Variants in CSNK1G3 observed in about 807,000 individuals in gnomAD.
CSNK1G3 encodes the protein casein kinase I isoform gamma-3.
Under a neutral mutation model 64.3 loss-of-function variants are expected in CSNK1G3, and 23 were observed. That is an observed-to-expected ratio of 0.36 (90% confidence interval 0.26 to 0.51). CSNK1G3 has a LOEUF of 0.51. CSNK1G3 is among the 20% of genes least tolerant of loss of function. The pLI is 0.96. For synonymous variants in CSNK1G3, 158 were observed against 162.2 expected (o/e 0.97, Z 0.20); for missense variants, 357 against 510.5 (o/e 0.70, Z 2.90).
intron 1 of CSNK1G3, among the ~76,000 whole-genome samples, chr5:123,542,849 A>AGTGTGTGTGTGTGTGTGTGT (rs66645709): frequency 1.6e-4 from 21 of 134,904 alleles, no homozygotes; most frequent in African/African-American, 5.1e-4. Flanking sequence ...GCCTAGATTT[A>AGTGTGTGTGTGTGTGTGTGT]GTGTGTGTGT....
rs181103464 is a variant in CSNK1G3 at position 123,561,337 on chromosome 5, T to A, written c.289+3773T>A. Among the ~76,000 whole-genome samples the A allele has an allele frequency of 1.9e-3, 290 of 152,250 alleles. 1 individual carries two copies. Among genetic ancestry groups the A allele is most frequent in the African/African-American group, 6.9e-3 (288 of 41,548 alleles). On this transcript the variant is annotated intron_variant, in intron 4 of 12. Transcript: ENST00000345990. Reference sequence around the variant, plus strand: ...TTTAAAGCTAAAGAAATGGATGAGATCTCCCTGAGGAGAGTATAGAGGTTG... The same window carrying A: ...TTTAAAGCTAAAGAAATGGATGAGAACTCCCTGAGGAGAGTATAGAGGTTG...
chr5:123,566,971 A>T (rs1013256654), intron 4 of CSNK1G3, among the ~76,000 whole-genome samples: 1 of 152,170 alleles, frequency 6.6e-6, no homozygotes, highest in African/African-American at 2.4e-5. Context: ...CTTGCTGCTG[A>T]TAAATTGCCC....
At chr5:123,523,040 T>C (rs1369042163) in intron 1 of CSNK1G3, among the ~76,000 whole-genome samples, 2 of 152,316 alleles carry the variant, frequency 1.3e-5, no homozygotes, top group East Asian at 1.9e-4. Context: ...TAAAAAGTTA[T>C]TCATTTTAGG....
chr5:123,605,680 A>G (rs550542367), intron 12 of CSNK1G3, among the ~76,000 whole-genome samples: 1 of 152,266 alleles, frequency 6.6e-6, no homozygotes, highest in African/African-American at 2.4e-5. Context: ...CTATTTAAAT[A>G]GAAAGATAGA....
chr5:123,519,107 G>T (rs2149939065), intron 1 of CSNK1G3, among the ~76,000 whole-genome samples: 1 of 152,202 alleles, frequency 6.6e-6, no homozygotes, highest in South Asian at 2.1e-4. Context: ...AGGCTGGAGT[G>T]CCATGGCATG....
chr5:123,608,017 A>C (rs1043329082), intron 12 of CSNK1G3, among the ~76,000 whole-genome samples: 8 of 152,044 alleles, frequency 5.3e-5, no homozygotes, highest in African/African-American at 1.9e-4. Flanking sequence ...CTGGCCCTGA[A>C]CTATTGGGCT....
At chr5:123,576,411 G>C (rs1171952609) in intron 6 of CSNK1G3, among the ~76,000 whole-genome samples, 1 of 152,172 alleles carries the variant, frequency 6.6e-6, no homozygotes, top group African/African-American at 2.4e-5. Flanking sequence ...GAGGTGGGCA[G>C]AGCTGGCTTA....
At chr5:123,550,629 A>G (rs1242840133) in intron 2 of CSNK1G3, among the ~76,000 whole-genome samples, 6 of 152,214 alleles carry the variant, frequency 3.9e-5, no homozygotes, top group Non-Finnish European at 8.8e-5. Flanking sequence ...AATTGGTAAA[A>G]CTATATTTTC....
chr5:123,588,131 G>A (rs1791664554), exon 7 of CSNK1G3: 2 of 1,603,716 alleles, frequency 1.2e-6, no homozygotes, highest in Admixed American at 1.7e-5. Context: ...CTGAGAGGCA[G>A]TCTTCCTTGG....
intron 2 of CSNK1G3, among the ~76,000 whole-genome samples, chr5:123,547,011 A>T (rs1040865529): frequency 6.6e-6 from 1 of 152,110 alleles, no homozygotes; most frequent in African/African-American, 2.4e-5. Context: ...GAAATTCTTA[A>T]ATTGTTTCAG....
At chr5:123,518,218 C>T (rs1002775943) in intron 1 of CSNK1G3, among the ~76,000 whole-genome samples, 1 of 152,172 alleles carries the variant, frequency 6.6e-6, no homozygotes, top group Admixed American at 6.5e-5. Flanking sequence ...AGCACTTGAG[C>T]CTCCTATCTC....
intron 4 of CSNK1G3, among the ~76,000 whole-genome samples, chr5:123,562,648 A>C (rs986502420): frequency 3.3e-5 from 5 of 152,056 alleles, no homozygotes; most frequent in African/African-American, 1.2e-4. Flanking sequence ...TACAATTTCA[A>C]ATTTTTAAAT....
At chr5:123,536,492 A>G (rs1056696124) in intron 1 of CSNK1G3, among the ~76,000 whole-genome samples, 2 of 150,286 alleles carry the variant, frequency 1.3e-5, no homozygotes, top group Non-Finnish European at 3.0e-5. Context: ...CTAGTTTTCC[A>G]TACCACTGTA....
At chr5:123,531,906 C>T (rs775329338) in intron 1 of CSNK1G3, among the ~76,000 whole-genome samples, 1 of 151,748 alleles carries the variant, frequency 6.6e-6, no homozygotes, top group Non-Finnish European at 1.5e-5. Flanking sequence ...AGTCTTCTCT[C>T]AGTAGTTTTT....
rs998734233 is a variant in CSNK1G3, at chr5:123,606,905, G to A, written c.1217+1543G>A. ...GAAGATTGCAGTTGTACTAGTATAT[G>A]TCAGTATGTGATTAATACGATAAAA... On this transcript the variant is annotated intron_variant, in intron 12 of 12. Transcript: ENST00000345990. 1.2e-4 allele frequency among the ~76,000 whole-genome samples: 18 copies of A among 152,264 alleles called. No homozygotes were observed. The South Asian group carries it at 2.5e-3, about 21-fold the overall frequency.
At chr5:123,604,700 A>G in intron 10 of CSNK1G3, 24 bp from the exon 12 acceptor site, 1 of 1,432,408 alleles carries the variant, frequency 7.0e-7, no homozygotes, top group South Asian at 1.2e-5. Context: ...ATATACATAT[A>G]TAAAAAATTT....
intron 10 of CSNK1G3, among the ~76,000 whole-genome samples, chr5:123,596,619 C>T (rs1489356521): frequency 6.6e-6 from 1 of 152,078 alleles, no homozygotes; most frequent in African/African-American, 2.4e-5. Flanking sequence ...TTCATTATTT[C>T]ACTACTTCAC....
chr5:123,612,310 T>C (rs960920792), intron 12 of CSNK1G3, among the ~76,000 whole-genome samples: 9 of 152,162 alleles, frequency 5.9e-5, no homozygotes, highest in Non-Finnish European at 1.3e-4. Flanking sequence ...GAAATCACAA[T>C]AAATAATTTA....
chr5:123,575,462 T>TA (rs1788982366), intron 5 of CSNK1G3, among the ~76,000 whole-genome samples: 1 of 152,228 alleles, frequency 6.6e-6, no homozygotes, highest in South Asian at 2.1e-4. Flanking sequence ...CTGAAAGTGT[T>TA]CATTGAATCA....
Sources: allele counts gnomAD v4.1 joint callset (sites outside exome capture counted in the v4.1 genomes callset), GRCh38; gene constraint gnomAD v4.1.1; transcripts MANE v1.5; gene names NCBI Gene and HGNC (gene_info 2026-07-23, HGNC 2026-07-21).